Variants in RIMKLB observed in about 807,000 individuals in gnomAD.
RIMKLB encodes the protein ribosomal modification protein rimK like family member B.
Under a neutral mutation model 32.0 loss-of-function variants are expected in RIMKLB, and 7 were observed. The ratio of observed to expected loss-of-function variants is 0.22; its 90% CI spans 0.12 to 0.41. RIMKLB has a LOEUF of 0.41. Ranked by LOEUF, RIMKLB falls within the 10% of genes least tolerant of loss-of-function variation. RIMKLB has a pLI of 1.00. For missense variants in RIMKLB, 289 were observed against 498.7 expected, an observed-to-expected ratio of 0.58 and a Z score of 4.00; for synonymous variants, 172 against 185.1, an observed-to-expected ratio of 0.93 and a Z score of 0.57.
intron 4 of RIMKLB, among the ~76,000 whole-genome samples, chr12:8,753,147 T>C (rs1030395789): frequency 6.6e-6 from 1 of 152,234 alleles, no homozygotes; most frequent in African/African-American, 2.4e-5. Context: ...ACTGGAACTA[T>C]TGACTGGATT....
chr12:8,717,827 G>A (rs750057302), intron 2 of RIMKLB, among the ~76,000 whole-genome samples: 1 of 152,044 alleles, frequency 6.6e-6, no homozygotes, highest in Non-Finnish European at 1.5e-5. Flanking sequence ...TCCCCTTTAT[G>A]TTTTTATTGC....
intron 1 of RIMKLB, among the ~76,000 whole-genome samples, chr12:8,691,433 A>AC (rs910022981): frequency 2.0e-5 from 3 of 151,644 alleles, no homozygotes; most frequent in African/African-American, 4.8e-5. Context: ...ACATGGTGAG[A>AC]CCCCCATCTC....
downstream of RIMKLB, chr12:8,777,596 C>T: frequency 7.8e-7 from 1 of 1,287,786 alleles, no homozygotes; most frequent in Non-Finnish European, 1.0e-6. Flanking sequence ...CCAGCCTTTT[C>T]AGGAGCCAAA....
At chr12:8,782,318 C>CTAA (rs754022866) in intron 7 of RIMKLB, among the ~76,000 whole-genome samples, 1 of 151,814 alleles carries the variant, frequency 6.6e-6, no homozygotes, top group Non-Finnish European at 1.5e-5. Context: ...TCTTTTGGTA[C>CTAA]AATTTTTCTG....
At chr12:8,697,174 A>G (rs1221529592), upstream of RIMKLB, 1 of 152,236 alleles carries the variant, frequency 6.6e-6, no homozygotes, top group Admixed American at 6.5e-5. Flanking sequence ...TAACTTGTCC[A>G]AGGTTTACGC....
intron 2 of RIMKLB, among the ~76,000 whole-genome samples, chr12:8,738,886 T>C (rs1419485963): frequency 6.6e-6 from 1 of 152,208 alleles, no homozygotes; most frequent in East Asian, 1.9e-4. Flanking sequence ...GTCCATTCCA[T>C]CAGAACATTT....
chr12:8,773,294 A>C, intron 5 of RIMKLB, 27 bp from the exon 6 acceptor site: 1 of 1,485,380 alleles, frequency 6.7e-7, no homozygotes. Flanking sequence ...TGATTTTGTT[A>C]ATTTCCTGTC....
chr12:8,718,716 C>A (rs1350122330), intron 2 of RIMKLB, among the ~76,000 whole-genome samples: 1 of 133,674 alleles, frequency 7.5e-6, no homozygotes, highest in African/African-American at 3.1e-5. Context: ...TGTGTATAAT[C>A]ATTTTTAGAG....
At chr12:8,771,347 C>T (rs999421747) in intron 5 of RIMKLB, among the ~76,000 whole-genome samples, 1 of 152,030 alleles carries the variant, frequency 6.6e-6, no homozygotes, top group Non-Finnish European at 1.5e-5. Context: ...GATTAGAGTC[C>T]TGCTGTGGGG....
intron 1 of RIMKLB, among the ~76,000 whole-genome samples, chr12:8,703,159 G>T (rs967231977): frequency 1.3e-5 from 2 of 152,098 alleles, no homozygotes; most frequent in African/African-American, 4.8e-5. Context: ...AGTGGCACGT[G>T]CCTGTAATTT....
chr12:8,744,116 C>G (rs1452072258), intron 2 of RIMKLB, among the ~76,000 whole-genome samples: 1 of 151,910 alleles, frequency 6.6e-6, no homozygotes, highest in Non-Finnish European at 1.5e-5. Flanking sequence ...CATTTATAAG[C>G]TCTACGTCAA....
intron 1 of RIMKLB, among the ~76,000 whole-genome samples, chr12:8,704,239 C>T (rs7308487): frequency 0.021 from 3,171 of 151,972 alleles, 109 homozygotes; most frequent in African/African-American, 0.072. Flanking sequence ...AAAAATTAGC[C>T]GGGTGTGGCG....
chr12:8,682,522 C>A (rs1467036548), intron 1 of RIMKLB, among the ~76,000 whole-genome samples: 1 of 152,024 alleles, frequency 6.6e-6, no homozygotes, highest in Non-Finnish European at 1.5e-5. Flanking sequence ...CCTGTAATCC[C>A]AGCACTTTGG....
In RIMKLB at chr12:8,683,098, T is replaced by G. The variant is rs777131798; in HGVS notation, n.219+1280T>G. Among the ~76,000 whole-genome samples the G allele has an allele frequency of 4.6e-5, 7 of 152,338 alleles. No homozygotes were observed. In the South Asian group the frequency reaches 6.2e-4, roughly 14 times the overall value. On this transcript the variant is annotated intron_variant and non_coding_transcript_variant, in intron 1 of 1. Transcript: ENST00000538758. ...TTTTGGAGGCCTGATAGGTCATTTC[T>G]TTTTATTGCTGATTAATATCCCATT...
intron 5 of RIMKLB, among the ~76,000 whole-genome samples, chr12:8,757,943 T>G (rs1949191153): frequency 6.6e-6 from 1 of 151,774 alleles, no homozygotes; most frequent in South Asian, 2.1e-4. Context: ...CAAAATAATG[T>G]GAACTTTTGT....
upstream of RIMKLB, chr12:8,697,709 C>T (rs984272974): frequency 3.2e-5 from 9 of 284,614 alleles, no homozygotes; most frequent in Non-Finnish European, 6.1e-5. Flanking sequence ...CGATCCATCG[C>T]CTCTCTTCCC....
chr12:8,779,714 T>C (rs1484042781), downstream of RIMKLB: 1 of 152,194 alleles, frequency 6.6e-6, no homozygotes, highest in Non-Finnish European at 1.5e-5. Context: ...TACTGGAGAC[T>C]GTCCCTTAAT....
intron 1 of RIMKLB, among the ~76,000 whole-genome samples, chr12:8,686,887 A>C (rs1942593809): frequency 6.6e-6 from 1 of 152,240 alleles, no homozygotes; most frequent in Non-Finnish European, 1.5e-5. Context: ...GGAATTATGG[A>C]GAAATCAGCG....
intron 1 of RIMKLB, among the ~76,000 whole-genome samples, chr12:8,702,815 C>G (rs758486455): frequency 7.0e-4 from 107 of 152,314 alleles, no homozygotes; most frequent in Admixed American, 2.0e-3. Flanking sequence ...GAATAGCTTT[C>G]TAACTCCTTT....
Sources: allele counts gnomAD v4.1 joint callset (sites outside exome capture counted in the v4.1 genomes callset), GRCh38; gene constraint gnomAD v4.1.1; transcripts MANE v1.5; gene names NCBI Gene and HGNC (gene_info 2026-07-23, HGNC 2026-07-21).